SETD3: variants seen among roughly 807,000 people sequenced by gnomAD.
SETD3 encodes SET domain containing 3, actin N3(tau)-histidine methyltransferase.
In SETD3, 19 loss-of-function variants were observed where a neutral mutation model predicts 63.0. That is an observed-to-expected ratio of 0.30 (90% CI 0.21 to 0.44). SETD3 has a LOEUF of 0.44. Ranked by LOEUF, SETD3 falls within the 20% of genes least tolerant of loss-of-function variation. The pLI, the probability that SETD3 is intolerant of heterozygous loss-of-function variation, is 1.00. For missense variants in SETD3, 587 were observed against 728.5 expected (o/e 0.81, Z 2.24); for synonymous variants, 286 against 264.1 (o/e 1.08, Z -0.80).
At chr14:99,478,142 A>G (rs1464253567) in intron 1 of SETD3, among the ~76,000 whole-genome samples, 1 of 152,224 alleles carries the variant, frequency 6.6e-6, no homozygotes, top group African/African-American at 2.4e-5. Context: ...CCCAAAAATA[A>G]GGGTAGGTAA....
At chr14:99,453,839 AG>A (rs1365639094) in intron 6 of SETD3, among the ~76,000 whole-genome samples, 1 of 152,024 alleles carries the variant, frequency 6.6e-6, no homozygotes, top group Non-Finnish European at 1.5e-5. Flanking sequence ...AAAAAAAAAA[AG>A]CTCATTATTG....
At chr14:99,442,696 A>G (rs1400390553) in intron 6 of SETD3, among the ~76,000 whole-genome samples, 16 of 152,240 alleles carry the variant, frequency 1.1e-4, no homozygotes, top group Admixed American at 1.0e-3. Flanking sequence ...TATGTAATAC[A>G]TTTAGCAGAC....
chr14:99,413,012 C>G lies in SETD3; in HGVS notation c.788G>C (p.Gly263Ala). 1 of 1,614,088 alleles carries G rather than the reference C, an allele frequency of 6.2e-7. No individual in the cohort carries two copies. The highest frequency in any genetic ancestry group is 1.3e-5 in the African/African-American group (1 of 75,008). Residue 263 changes from glycine (G) to alanine (A), a missense_variant, in exon 8 of 13, where the codon GGT (glycine) becomes GCT (alanine). Physicochemically the swap from Gly to Ala is moderately conservative, Grantham distance 60. Transcript: ENST00000331768. ...AATCAGAGCCAGGGTCACGCGGGAA[C>G]CATCCTCTGTGGGAATTTGGTTTTG... is the stretch of plus-strand genomic sequence containing the variant. ...TRQNQIPTED[G>A]SRVTLALIPL...
intron 1 of SETD3, among the ~76,000 whole-genome samples, chr14:99,477,408 A>C (rs911721918): frequency 6.6e-6 from 1 of 152,220 alleles, no homozygotes; most frequent in Non-Finnish European, 1.5e-5. Flanking sequence ...AAGACTTCTT[A>C]ATCTTGCAGA....
chr14:99,415,472 T>C (rs1247777104), intron 6 of SETD3, among the ~76,000 whole-genome samples: 1 of 152,186 alleles, frequency 6.6e-6, no homozygotes, highest in Non-Finnish European at 1.5e-5. Flanking sequence ...TACACAACTA[T>C]CCAAACATGG....
chr14:99,453,944 T>A (rs1224986152), intron 6 of SETD3, among the ~76,000 whole-genome samples: 1 of 152,166 alleles, frequency 6.6e-6, no homozygotes, highest in East Asian at 1.9e-4. Context: ...AAGAACCACA[T>A]CTGAACTGCC....
intron 6 of SETD3, among the ~76,000 whole-genome samples, chr14:99,456,126 G>C (rs544999010): frequency 6.6e-6 from 1 of 152,268 alleles, no homozygotes; most frequent in Admixed American, 6.5e-5. Flanking sequence ...CTACACTCTA[G>C]CCTGGGTGAC....
intron 8 of SETD3, chr14:99,409,906 G>A (rs898430431): frequency 3.7e-6 from 1 of 266,686 alleles, no homozygotes; most frequent in Non-Finnish European, 7.0e-6. Flanking sequence ...AAACCACAGC[G>A]ATATAGCAAT....
intron 6 of SETD3, among the ~76,000 whole-genome samples, chr14:99,449,492 C>T (rs1253740017): frequency 6.6e-6 from 1 of 152,206 alleles, no homozygotes; most frequent in Non-Finnish European, 1.5e-5. Flanking sequence ...TCAGTCTACA[C>T]ATGATAAAAT....
At chr14:99,481,169 G>C (rs914261606), upstream of SETD3, 3 of 371,282 alleles carry the variant, frequency 8.1e-6, no homozygotes, top group South Asian at 3.0e-4. Flanking sequence ...TAGCAGGTTC[G>C]GTTGCTCCAG....
At chr14:99,443,307 T>A (rs1484871772) in intron 6 of SETD3, among the ~76,000 whole-genome samples, 1 of 147,036 alleles carries the variant, frequency 6.8e-6, no homozygotes, top group Non-Finnish European at 1.5e-5. Context: ...GTTGCCCAGC[T>A]GGAGTGCAGT....
intron 1 of SETD3, 107 bp from the exon 2 acceptor site, chr14:99,465,920 G>A (rs1895346047): frequency 1.3e-5 from 8 of 628,584 alleles, no homozygotes; most frequent in Admixed American, 3.0e-5. Context: ...CAGAGGCTAA[G>A]ATCTTACCTT....
chr14:99,453,014 C>G (rs2139757204), intron 6 of SETD3, among the ~76,000 whole-genome samples: 1 of 152,238 alleles, frequency 6.6e-6, no homozygotes, highest in East Asian at 1.9e-4. Flanking sequence ...GGAGAGGGTC[C>G]CCATGACCCT....
At chr14:99,417,388 T>C (rs1892340780) in intron 6 of SETD3, among the ~76,000 whole-genome samples, 1 of 152,262 alleles carries the variant, frequency 6.6e-6, no homozygotes, top group African/African-American at 2.4e-5. Context: ...AAGTATTAAA[T>C]ACCCTTGGAA....
At chr14:99,399,696 T>A (rs927509454) in intron 12 of SETD3, among the ~76,000 whole-genome samples, 9 of 152,044 alleles carry the variant, frequency 5.9e-5, no homozygotes, top group Non-Finnish European at 8.8e-5. Flanking sequence ...ATCATTTTGC[T>A]AAACTATTAC....
intron 3 of SETD3, among the ~76,000 whole-genome samples, chr14:99,462,593 G>T (rs114906123): frequency 0.015 from 2,355 of 152,328 alleles, 62 homozygotes; most frequent in African/African-American, 0.054. Context: ...CTACGCAGAA[G>T]AGAAACTAAG....
intron 6 of SETD3, among the ~76,000 whole-genome samples, chr14:99,435,437 AGCTT>A (rs1337235714): frequency 6.6e-6 from 1 of 152,176 alleles, no homozygotes; most frequent in African/African-American, 2.4e-5. Flanking sequence ...ACTTCCCGAT[AGCTT>A]GTCAACTAGG....
upstream of SETD3, among the ~76,000 whole-genome samples, chr14:99,485,703 A>T (rs1896467932): frequency 6.6e-6 from 1 of 152,142 alleles, no homozygotes; most frequent in Admixed American, 6.5e-5. Flanking sequence ...CAAAAGAATA[A>T]CCTATTTCCA....
chr14:99,425,168 T>C (rs1490059978), intron 6 of SETD3, among the ~76,000 whole-genome samples: 1 of 152,174 alleles, frequency 6.6e-6, no homozygotes, highest in Non-Finnish European at 1.5e-5. Flanking sequence ...ATGGTTAATT[T>C]ATGCACTGGC....
Sources: allele counts gnomAD v4.1 joint callset (sites outside exome capture counted in the v4.1 genomes callset), GRCh38; gene constraint gnomAD v4.1.1; transcripts MANE v1.5; gene names NCBI Gene and HGNC (gene_info 2026-07-23, HGNC 2026-07-21).